PKNOX2: variants seen among roughly 807,000 people sequenced by gnomAD.
PKNOX2 encodes the protein homeobox protein PKNOX2.
In PKNOX2, 14 loss-of-function variants were observed where a neutral mutation model predicts 53.1. That is an observed-to-expected ratio of 0.26 (90% CI 0.17 to 0.41). PKNOX2 has a LOEUF of 0.41. PKNOX2 is among the 10% of genes least tolerant of loss of function. The pLI is 1.00. For synonymous variants in PKNOX2, 257 were observed against 242.8 expected (o/e 1.06, Z -0.54); for missense variants, 496 against 602.8 (o/e 0.82, Z 1.85).
intron 2 of PKNOX2, among the ~76,000 whole-genome samples, chr11:125,303,617 C>T (rs989502203): frequency 2.6e-5 from 4 of 152,310 alleles, no homozygotes; most frequent in Non-Finnish European, 5.9e-5. Flanking sequence ...ATCACACTTG[C>T]CCTCCTCCTT....
chr11:125,204,616 A>G (rs577037395), intron 1 of PKNOX2, among the ~76,000 whole-genome samples: 9 of 152,298 alleles, frequency 5.9e-5, no homozygotes, highest in African/African-American at 2.2e-4. Flanking sequence ...CTCTAATTCC[A>G]GACCTCTCTT....
chr11:125,315,409 G>T (rs985224907), intron 2 of PKNOX2, among the ~76,000 whole-genome samples: 1 of 151,796 alleles, frequency 6.6e-6, no homozygotes, highest in Non-Finnish European at 1.5e-5. Context: ...CCTGCCCGAG[G>T]CCCAGCCCAT....
intron 2 of PKNOX2, among the ~76,000 whole-genome samples, chr11:125,317,687 G>A (rs1949285000): frequency 6.6e-6 from 1 of 152,180 alleles, no homozygotes; most frequent in South Asian, 2.1e-4. Context: ...CTGTCACCCA[G>A]GCTTTGTTGT....
intron 3 of PKNOX2, among the ~76,000 whole-genome samples, chr11:125,342,715 T>C (rs2136163178): frequency 6.6e-6 from 1 of 151,834 alleles, no homozygotes; most frequent in Non-Finnish European, 1.5e-5. Flanking sequence ...AGGTTCATTT[T>C]CAGATCTGTT....
Position 125,422,980 on chromosome 11 carries a change from A to C in PKNOX2, c.937-6032A>C, listed in dbSNP as rs896083029. Among the ~76,000 whole-genome samples, 2 of 152,142 alleles carry C rather than the reference A, an allele frequency of 1.3e-5. No individual in the cohort carries two copies. The highest frequency in any genetic ancestry group is 4.8e-5 in the African/African-American group (2 of 41,406). ...TATTTATTTAACAAACACAGAGTACACTAAGCACCGTTCTAAATAGCTTTC... is the reference window on the plus strand; with the variant it reads ...TATTTATTTAACAAACACAGAGTACCCTAAGCACCGTTCTAAATAGCTTTC... On this transcript the variant is annotated intron_variant, in intron 10 of 12. Coordinates refer to ENST00000298282, the MANE Select transcript of PKNOX2 (RefSeq NM_001382323.2). The surrounding 1 kb of genome is among the most constrained non-coding windows in gnomAD (Gnocchi z 4.1).
At chr11:125,346,746 A>AAGGAAGGG (rs1486875620) in intron 3 of PKNOX2, among the ~76,000 whole-genome samples, 9,040 of 151,312 alleles carry the variant, frequency 0.06, 915 homozygotes, top group African/African-American at 0.21. Context: ...GCTGCTATGG[A>AAGGAAGGG]AGGAAGGAAG....
intron 1 of PKNOX2, among the ~76,000 whole-genome samples, chr11:125,208,291 C>A (rs1331594210): frequency 2.0e-5 from 3 of 152,090 alleles, no homozygotes; most frequent in Admixed American, 6.5e-5. Flanking sequence ...GGGAGTGTGG[C>A]CACAGAACCG....
At chr11:125,250,848 G>A (rs1271863137) in intron 2 of PKNOX2, among the ~76,000 whole-genome samples, 1 of 152,224 alleles carries the variant, frequency 6.6e-6, no homozygotes, top group Non-Finnish European at 1.5e-5. Context: ...AGAAAGCTGA[G>A]GCCTCCTCCC....
intron 2 of PKNOX2, among the ~76,000 whole-genome samples, chr11:125,260,005 C>G (rs978212545): frequency 5.3e-5 from 8 of 151,778 alleles, no homozygotes; most frequent in African/African-American, 1.9e-4. Flanking sequence ...CTCTCCCCAA[C>G]AAGGACTACA....
At chr11:125,272,249 A>G (rs1419522935) in intron 2 of PKNOX2, among the ~76,000 whole-genome samples, 1 of 152,234 alleles carries the variant, frequency 6.6e-6, no homozygotes, top group Non-Finnish European at 1.5e-5. Context: ...AGTCTGTCTC[A>G]GCATGACTGA....
chr11:125,355,986 A>ACTCCC (rs1469433894), intron 4 of PKNOX2, among the ~76,000 whole-genome samples: 5 of 127,578 alleles, frequency 3.9e-5, no homozygotes, highest in Non-Finnish European at 8.3e-5. Context: ...CAACCACTTC[A>ACTCCC]CTCCCCTCAC....
chr11:125,275,369 C>A (rs145117102), intron 2 of PKNOX2, among the ~76,000 whole-genome samples: 2 of 152,136 alleles, frequency 1.3e-5, no homozygotes, highest in East Asian at 3.9e-4. Flanking sequence ...GTAGACAAGA[C>A]GGAGGATGAA....
intron 2 of PKNOX2, among the ~76,000 whole-genome samples, chr11:125,317,516 T>C (rs907642252): frequency 2.0e-5 from 3 of 152,252 alleles, no homozygotes; most frequent in African/African-American, 7.2e-5. Flanking sequence ...TAGCAGGCAC[T>C]AAAACTACAT....
intron 2 of PKNOX2, among the ~76,000 whole-genome samples, chr11:125,328,004 TGTC>T (rs1488399934): frequency 6.6e-6 from 1 of 152,196 alleles, no homozygotes; most frequent in African/African-American, 2.4e-5. Flanking sequence ...AGCTCCTCTG[TGTC>T]GTCTTGGGGT....
chr11:125,217,902 T>G (rs1245356841), intron 1 of PKNOX2, among the ~76,000 whole-genome samples: 2 of 152,218 alleles, frequency 1.3e-5, no homozygotes, highest in Non-Finnish European at 1.5e-5. Context: ...ATTCATGAGC[T>G]AGTAAGTGGC....
At chr11:125,197,453 A>T (rs1265176968) in intron 1 of PKNOX2, among the ~76,000 whole-genome samples, 1 of 151,480 alleles carries the variant, frequency 6.6e-6, no homozygotes, top group Non-Finnish European at 1.5e-5. Context: ...CTCTTTCTGA[A>T]CTCCCACTTG....
intron 2 of PKNOX2, among the ~76,000 whole-genome samples, chr11:125,272,003 C>T (rs1311658335): frequency 6.6e-6 from 1 of 152,272 alleles, no homozygotes; most frequent in Non-Finnish European, 1.5e-5. Context: ...CCTCTCAACG[C>T]TATAGCGACA....
intron 2 of PKNOX2, among the ~76,000 whole-genome samples, chr11:125,272,951 G>A (rs918506852): frequency 6.6e-6 from 1 of 152,240 alleles, no homozygotes; most frequent in East Asian, 1.9e-4. Flanking sequence ...GGCCTGCAAG[G>A]GGAGGCAGCC....
rs574264115 is a variant in PKNOX2 at position 125,380,710 on chromosome 11, T to C, written c.228-4841T>C. Among the ~76,000 whole-genome samples the C allele has an allele frequency of 9.2e-5, 14 of 152,292 alleles. 1 individual carries two copies. The highest frequency in any genetic ancestry group is 3.4e-4 in the African/African-American group (14 of 41,570). On this transcript the variant is annotated intron_variant, in intron 5 of 12. Coordinates refer to ENST00000298282, the MANE Select transcript of PKNOX2 (RefSeq NM_001382323.2). ...GCTCAGGGAAGGCCAAAGTCTCTCC[T>C]CTAACTGGGAATCCTTCTCCCCACC... is the stretch of plus-strand genomic sequence containing the variant.
Sources: allele counts gnomAD v4.1 joint callset (sites outside exome capture counted in the v4.1 genomes callset), GRCh38; gene constraint gnomAD v4.1.1; non-coding constraint Gnocchi (gnomAD v3.1); transcripts MANE v1.5; gene names NCBI Gene and HGNC (gene_info 2026-07-23, HGNC 2026-07-21).